Variants in NME7 observed in about 807,000 individuals in gnomAD.
The protein encoded by NME7 is nucleoside diphosphate kinase 7.
A neutral mutation model predicts 49.1 loss-of-function variants in NME7; 41 were observed. That is an observed-to-expected ratio of 0.83 (90% CI 0.65 to 1.08). The LOEUF is 1.08. Among genes scored for constraint, NME7 ranks in the 50% least tolerant of loss-of-function variants. The pLI, the probability that NME7 is intolerant of heterozygous loss-of-function variation, is 0.00. For synonymous variants in NME7, 139 were observed against 150.6 expected (o/e 0.92, Z 0.56); for missense variants, 423 against 463.4 (o/e 0.91, Z 0.80).
chr1:169,232,530 A>C (rs915400685), intron 9 of NME7, among the ~76,000 whole-genome samples: 30 of 148,868 alleles, frequency 2.0e-4, no homozygotes, highest in African/African-American at 7.2e-4. Flanking sequence ...AACAAAAACA[A>C]AAAGCTTTAT....
At chr1:169,238,491 A>G (rs909265127) in intron 7 of NME7, among the ~76,000 whole-genome samples, 2 of 139,326 alleles carry the variant, frequency 1.4e-5, no homozygotes, top group African/African-American at 5.1e-5. Flanking sequence ...ACACACACAC[A>G]CACACACACA....
chr1:169,201,690 G>A (rs1471744310), intron 10 of NME7, among the ~76,000 whole-genome samples: 2 of 152,122 alleles, frequency 1.3e-5, no homozygotes, highest in Non-Finnish European at 2.9e-5. Flanking sequence ...AAGAAAAGAA[G>A]CACAGAAGCA....
At chr1:169,364,555 C>T (rs1182189134) in intron 1 of NME7, among the ~76,000 whole-genome samples, 1 of 152,000 alleles carries the variant, frequency 6.6e-6, no homozygotes, top group Non-Finnish European at 1.5e-5. Context: ...TCGACTCAAC[C>T]CTCTTTGAGT....
At chr1:169,158,485 T>A (rs1390298952) in intron 11 of NME7, among the ~76,000 whole-genome samples, 4 of 152,174 alleles carry the variant, frequency 2.6e-5, no homozygotes, top group Non-Finnish European at 5.9e-5. Flanking sequence ...TGGTTGACCA[T>A]GGGTAACTGA....
chr1:169,283,044 G>T (rs1442905725), intron 7 of NME7, among the ~76,000 whole-genome samples: 1 of 151,924 alleles, frequency 6.6e-6, no homozygotes, highest in East Asian at 1.9e-4. Flanking sequence ...TTGACACTGG[G>T]GTGTTAAATT....
intron 10 of NME7, among the ~76,000 whole-genome samples, chr1:169,178,824 T>C (rs1659842647): frequency 6.8e-6 from 1 of 147,570 alleles, no homozygotes; most frequent in African/African-American, 2.5e-5. Context: ...CCTCTTCTTT[T>C]TTTTTTTTTT....
At chr1:169,247,725 G>C (rs1463916295) in intron 7 of NME7, among the ~76,000 whole-genome samples, 1 of 152,104 alleles carries the variant, frequency 6.6e-6, no homozygotes, top group Non-Finnish European at 1.5e-5. Context: ...TTATAAGTGA[G>C]AACATACGGT....
intron 11 of NME7, among the ~76,000 whole-genome samples, chr1:169,151,156 C>G (rs1019596492): frequency 7.2e-5 from 9 of 125,506 alleles, no homozygotes; most frequent in Non-Finnish European, 1.4e-4. Context: ...GGAGAGGGGG[C>G]CCAGGCTGAT....
intron 10 of NME7, among the ~76,000 whole-genome samples, chr1:169,227,964 T>C (rs1557997111): frequency 6.6e-6 from 1 of 151,746 alleles, no homozygotes; most frequent in Non-Finnish European, 1.5e-5. Context: ...TTGAGGCTTA[T>C]ATTATATCAA....
intron 1 of NME7, among the ~76,000 whole-genome samples, chr1:169,337,255 G>A (rs1281140184): frequency 1.3e-5 from 2 of 152,220 alleles, no homozygotes; most frequent in Admixed American, 6.5e-5. Context: ...GTGAGAAATC[G>A]AGCGCAGCGC....
intron 7 of NME7, among the ~76,000 whole-genome samples, chr1:169,240,866 T>C (rs1648061226): frequency 6.6e-6 from 1 of 152,104 alleles, no homozygotes; most frequent in African/African-American, 2.4e-5. Context: ...TTAGTTTTCC[T>C]TTGTAGTTTA....
rs190259022 is a variant in NME7, at chr1:169,225,762, G to A, written c.990+4956C>T. 9.7e-4 allele frequency among the ~76,000 whole-genome samples: 147 copies of A among 152,102 alleles called. 1 individual carries two copies. The highest frequency in any genetic ancestry group is 1.2e-4 in the Non-Finnish European group (8 of 67,998). The stretch of plus-strand genomic sequence containing the variant: ...TTCTAGAGAGACCGAAAAAAATTTT[G>A]TTAATACATAATGAGCATTCCTTCC... On this transcript the variant is annotated intron_variant, in intron 10 of 11. Coordinates refer to ENST00000367811, the MANE Select transcript of NME7 (RefSeq NM_013330.5).
chr1:169,341,341 C>G (rs905297599), intron 1 of NME7, among the ~76,000 whole-genome samples: 41 of 152,238 alleles, frequency 2.7e-4, no homozygotes, highest in African/African-American at 9.4e-4. Flanking sequence ...ACGCAGAAGA[C>G]AAGAGCTGAG....
chr1:169,353,505 C>G (rs1411112995), intron 1 of NME7, among the ~76,000 whole-genome samples: 1 of 151,920 alleles, frequency 6.6e-6, no homozygotes, highest in Non-Finnish European at 1.5e-5. Flanking sequence ...ATTTCTTGAC[C>G]ACCACCACAC....
chr1:169,303,187 G>A lies in NME7; in HGVS notation c.398C>T (p.Ala133Val). The change falls in exon 5 of 12, where the codon GCA becomes GTA. Residue 133 changes from alanine to valine, a missense_variant. Transcript: ENST00000367811. ...CTGGTGATCTACATGAAAATCCAAT[G>A]CTTCTTTCCTATAAAATAATCAAAA... Reference protein sequence around the residue: ...LKMMMLSRKEALDFHVDHQSR... With the variant: ...LKMMMLSRKEVLDFHVDHQSR... 1 of 1,540,578 alleles carries A rather than the reference G, an allele frequency of 6.5e-7. No homozygotes were observed. The highest frequency in any genetic ancestry group is 1.4e-5 in the African/African-American group (1 of 71,826).
intron 1 of NME7, among the ~76,000 whole-genome samples, chr1:169,337,866 A>C (rs926240968): frequency 2.0e-5 from 3 of 152,208 alleles, no homozygotes; most frequent in African/African-American, 7.2e-5. Flanking sequence ...AAGACCAAGA[A>C]ATTTTCTTAC....
intron 10 of NME7, among the ~76,000 whole-genome samples, chr1:169,207,047 G>C (rs1419310316): frequency 1.3e-5 from 2 of 152,112 alleles, no homozygotes; most frequent in Non-Finnish European, 2.9e-5. Flanking sequence ...ATAAGGAAAA[G>C]AGGTTTATTT....
intron 7 of NME7, among the ~76,000 whole-genome samples, chr1:169,254,166 G>C (rs1019543246): frequency 2.0e-5 from 3 of 150,284 alleles, no homozygotes; most frequent in Admixed American, 2.0e-4. Context: ...ACCTCTGGTA[G>C]AATTCAGCTG....
chr1:169,242,450 T>C (rs1571319197), intron 7 of NME7, among the ~76,000 whole-genome samples: 1 of 151,998 alleles, frequency 6.6e-6, no homozygotes, highest in Non-Finnish European at 1.5e-5. Flanking sequence ...AAACAGCATC[T>C]ACAGAAACCT....
Sources: allele counts gnomAD v4.1 joint callset (sites outside exome capture counted in the v4.1 genomes callset), GRCh38; gene constraint gnomAD v4.1.1; transcripts MANE v1.5; gene names NCBI Gene and HGNC (gene_info 2026-07-23, HGNC 2026-07-21).